The following CSNK2B variants were observed in gnomAD, a reference collection of about 807,000 sequenced individuals.
CSNK2B encodes casein kinase 2 beta.
A neutral mutation model predicts 28.8 loss-of-function variants in CSNK2B; 2 were observed. That is an observed-to-expected ratio of 0.07 (90% confidence interval 0.03 to 0.22). CSNK2B has a LOEUF of 0.22. CSNK2B is among the 10% of genes least tolerant of loss of function. The pLI, the probability that CSNK2B is intolerant of heterozygous loss-of-function variation, is 1.00. For synonymous variants in CSNK2B, 89 were observed against 96.1 expected, an observed-to-expected ratio of 0.93 and a Z score of 0.43; for missense variants, 107 against 277.9, an observed-to-expected ratio of 0.39 and a Z score of 4.37.
intron 1 of CSNK2B, 46 bp from the exon 2 acceptor site, chr6:31,666,775 G>A (rs562664170): frequency 1.3e-6 from 2 of 1,486,074 alleles, no homozygotes; most frequent in Non-Finnish European, 1.9e-6. Flanking sequence ...GATACCAGAG[G>A]CAGGGAAGGA....
Position 31,669,335 on chromosome 6 carries a change from A to G in CSNK2B, c.384A>G (p.Pro128=), listed in dbSNP as rs1802019923. ...GTCTCCCAGGCCTTTCAGACATCCC[A>G]GGTGAAGCCATGGTGAAGCTCTACT... is the stretch of plus-strand genomic sequence containing the variant. The part of the protein sequence containing the change: ...PMLPIGLSDI[P]GEAMVKLYCP... Residue 128 remains proline (P), a synonymous_variant, in exon 6 of 7, where the codon CCA becomes CCG. Transcript: ENST00000375882. The surrounding 1 kb of genome is among the most constrained non-coding windows in gnomAD (Gnocchi z 4.8). 2 of 1,612,720 alleles carry G rather than the reference A, an allele frequency of 1.2e-6. No homozygotes were observed. Among genetic ancestry groups the G allele is most frequent in the African/African-American group, 2.7e-5 (2 of 74,912 alleles).
chr6:31,668,172 A>G (rs1801918100), intron 3 of CSNK2B: 1 of 621,324 alleles, frequency 1.6e-6, no homozygotes, highest in Non-Finnish European at 2.8e-6. Flanking sequence ...CTAAATCCGC[A>G]ATTCAGACCT....
intron 4 of CSNK2B, 40 bp downstream of exon 4, chr6:31,668,694 T>C (rs1273703843): frequency 1.3e-6 from 2 of 1,548,296 alleles, no homozygotes; most frequent in Non-Finnish European, 1.8e-6. Flanking sequence ...TTCTGAGCAG[T>C]AAGAGACACA....
chr6:31,667,114 G>A (rs1172492997), intron 2 of CSNK2B: 2 of 698,346 alleles, frequency 2.9e-6, no homozygotes, highest in Non-Finnish European at 5.2e-6. Flanking sequence ...GCAATATAAC[G>A]TTGGGCTAGT....
At chr6:31,666,993 T>C in intron 2 of CSNK2B, 90 bp downstream of exon 2, 1 of 1,079,656 alleles carries the variant, frequency 9.3e-7, no homozygotes, top group Non-Finnish European at 1.4e-6. Context: ...ACTGTTCTCT[T>C]ACATGCTATT....
intron 2 of CSNK2B, 25 bp from the exon 3 acceptor site, chr6:31,667,843 C>T (rs1180502904): frequency 5.8e-6 from 8 of 1,373,768 alleles, no homozygotes; most frequent in Non-Finnish European, 7.8e-6. Flanking sequence ...ATATGGGTTC[C>T]CTCTTGGCTT....
At position 31,669,651 on chromosome 6, in the gene CSNK2B, T is replaced by G. The variant is rs947160382; in HGVS notation, c.557+143T>G. On this transcript the variant is annotated intron_variant, in intron 6 of 6. Transcript: ENST00000375882. The surrounding 1 kb of genome is among the most constrained non-coding windows in gnomAD (Gnocchi z 4.8). The stretch of plus-strand genomic sequence containing the variant: ...CTGCTGAGTGACTGTGGGAAAGTTA[T>G]TTGATTATCTGTGCTTGAGTTACCT... 1.8e-6 allele frequency: 2 copies of G among 1,100,330 alleles called. No homozygotes were observed. The highest frequency in any genetic ancestry group is 3.1e-5 in the African/African-American group (2 of 63,714). 68.2% of individuals were successfully genotyped at this position (1,100,330 alleles called of 1,614,324 possible). A position where few individuals can be genotyped will look rare whatever the true frequency, so the allele number is the denominator to read the frequency against.
chr6:31,667,769 G>T (rs1282754659), intron 2 of CSNK2B, 99 bp from the exon 3 acceptor site: 2 of 580,578 alleles, frequency 3.4e-6, no homozygotes, highest in Non-Finnish European at 3.0e-6. Flanking sequence ...CACAACAGAT[G>T]CAGTTGTGTT....
At position 31,669,509 on chromosome 6, in the gene CSNK2B, G is replaced by A. The variant is rs2151189070; in HGVS notation, c.557+1G>A. On this transcript the variant is annotated splice_donor_variant, in intron 6 of 6. Coordinates refer to ENST00000375882, the MANE Select transcript of CSNK2B (RefSeq NM_001320.7). LOFTEE classifies it high-confidence loss of function. This position sits in a 1 kb window ranked among gnomAD's most constrained non-coding sequence, Gnocchi z 4.8. ...GACCTGCCAACCAGTTTGTGCCCAG[G>A]TAGGGAGCAGGGAGAGTCATTAAGG... 1 of 1,607,454 alleles carries A rather than the reference G, an allele frequency of 6.2e-7. No individual in the cohort carries two copies. The highest frequency in any genetic ancestry group is 8.5e-7 in the Non-Finnish European group (1 of 1,179,700).
rs1313790997 is a variant in CSNK2B, at chr6:31,669,120, C to G, written c.315C>G (p.Asp105Glu). Residue 105 changes from aspartate to glutamate, a missense_variant, in exon 5 of 7, where the codon GAC (aspartate) becomes GAG (glutamate). Transcript: ENST00000375882. The surrounding 1 kb of genome is among the most constrained non-coding windows in gnomAD (Gnocchi z 4.8). Reference protein sequence around the residue: ...AQMLEKYQQGDFGYCPRVYCE... With the variant: ...AQMLEKYQQGEFGYCPRVYCE... ...AGTTGGAAAAGTACCAGCAAGGAGA[C>G]TTTGGTTACTGTCCTCGTGTGTACT... 1 of 1,613,246 alleles carries G rather than the reference C, an allele frequency of 6.2e-7. No homozygotes were observed. Among genetic ancestry groups the G allele is most frequent in the Non-Finnish European group, 8.5e-7 (1 of 1,179,950 alleles).
At position 31,666,165 on chromosome 6, in the gene CSNK2B, A is replaced by G. The variant is rs1473757641; in HGVS notation, c.-55A>G. On this transcript the variant is annotated 5_prime_UTR_variant, in exon 1 of 7. Coordinates refer to ENST00000375882, the MANE Select transcript of CSNK2B (RefSeq NM_001320.7). ...GCGGTCGCCGCCGTTCCCTGGAAGT[A>G]GCAACTTCCCTACCCCACCCCAGTC... is the stretch of plus-strand genomic sequence containing the variant. 23 of 990,616 alleles carry G rather than the reference A, an allele frequency of 2.3e-5. No individual in the cohort carries two copies. Among genetic ancestry groups the G allele is most frequent in the Non-Finnish European group, 2.5e-5 (21 of 832,518 alleles). The allele number at this position is 990,616 out of a possible 1,614,324, so 61.4% of individuals were successfully genotyped here. A position where few individuals can be genotyped will look rare whatever the true frequency, so the allele number is the denominator to read the frequency against.
At chr6:31,666,378 T>C (rs943056568) in intron 1 of CSNK2B, 170 bp downstream of exon 1, 2 of 182,960 alleles carry the variant, frequency 1.1e-5, no homozygotes, top group Non-Finnish European at 2.2e-5. Context: ...GAAAGGGACC[T>C]GACAATCGCC....
chr6:31,666,528 G>C (rs1173010918), intron 1 of CSNK2B: 2 of 490,454 alleles, frequency 4.1e-6, no homozygotes, highest in Non-Finnish European at 7.2e-6. Context: ...AGTTGACACA[G>C]AGGAGAGAGG....
At chr6:31,666,996 A>G (rs761159160) in intron 2 of CSNK2B, 93 bp downstream of exon 2, 4 of 1,073,370 alleles carry the variant, frequency 3.7e-6, no homozygotes, top group African/African-American at 1.5e-5. Flanking sequence ...GTTCTCTTAC[A>G]TGCTATTTGA....
chr6:31,666,938 C>T (rs374536209), intron 2 of CSNK2B, 35 bp downstream of exon 2: 5 of 1,504,260 alleles, frequency 3.3e-6, no homozygotes, highest in Non-Finnish European at 4.6e-6. Context: ...TTGCCAGCTT[C>T]ACATATCTTC....
Position 31,669,141 on chromosome 6 carries a change from G to A in CSNK2B, c.336G>A (p.Val112=), listed in dbSNP as rs771774143. 1.9e-6 allele frequency: 3 copies of A among 1,613,606 alleles called. No individual in the cohort carries two copies. The highest frequency in any genetic ancestry group is 1.3e-5 in the African/African-American group (1 of 75,022). The change falls in exon 5 of 7, where the codon GTG becomes GTA. Residue 112 remains valine, a synonymous_variant. Coordinates refer to ENST00000375882, the MANE Select transcript of CSNK2B (RefSeq NM_001320.7). This position sits in a 1 kb window ranked among gnomAD's most constrained non-coding sequence, Gnocchi z 4.8. ...QQGDFGYCPR[V]YCENQPMLPI... is the part of the protein sequence containing the mutation. Reference sequence around the variant, plus strand: ...GAGACTTTGGTTACTGTCCTCGTGTGTACTGTGAGAACCAGCCAATGCTTC... The same window carrying A: ...GAGACTTTGGTTACTGTCCTCGTGTATACTGTGAGAACCAGCCAATGCTTC...
Position 31,667,157 on chromosome 6 carries a change from G to A in CSNK2B, c.72+254G>A, listed in dbSNP as rs1801808813. On this transcript the variant is annotated intron_variant, in intron 2 of 6. Transcript: ENST00000375882. ...TGTCTTTTTCTTTTTTTTGAGACTG[G>A]GTCTCACTCTGTCACCGAGGCTGGA... 8 of 655,204 alleles carry A rather than the reference G, an allele frequency of 1.2e-5. No individual in the cohort carries two copies. In the East Asian group the frequency reaches 2.4e-4, roughly 20 times the overall value. The allele number at this position is 655,204 out of a possible 1,614,324, so 40.6% of individuals were successfully genotyped here.
At chr6:31,667,033 C>G (rs767504761) in intron 2 of CSNK2B, 130 bp downstream of exon 2, 11 of 822,068 alleles carry the variant, frequency 1.3e-5, no homozygotes, top group East Asian at 1.1e-4. Context: ...AAGAGTCCCC[C>G]CTATAAACCC....
chr6:31,667,022 A>G (rs1182078793), intron 2 of CSNK2B, 119 bp downstream of exon 2: 1 of 900,574 alleles, frequency 1.1e-6, no homozygotes. Context: ...TCCTATCAGC[A>G]AAGAGTCCCC....
Sources: gnomAD v4.1 joint callset for allele counts on GRCh38, gnomAD v4.1.1 for gene constraint, Gnocchi (gnomAD v3.1) non-coding constraint, MANE v1.5 for transcripts, NCBI Gene and HGNC (gene_info 2026-07-23, HGNC 2026-07-21) for gene names.